Variants in ITIH1 observed in about 807,000 individuals in gnomAD.
ITIH1 encodes inter-alpha-trypsin inhibitor heavy chain 1.
Under a neutral mutation model 104.6 loss-of-function variants are expected in ITIH1, and 94 were observed. That is an observed-to-expected ratio of 0.90 (90% CI 0.76 to 1.07). ITIH1 has a LOEUF of 1.07. ITIH1 is among the 50% of genes least tolerant of loss of function. The probability of loss-of-function intolerance (pLI) is 0.00; values close to 1 mark genes in which losing one functional copy is unlikely to be tolerated. For synonymous variants in ITIH1, 455 were observed against 464.4 expected (o/e 0.98, Z 0.26); for missense variants, 1,193 against 1,181.4 (o/e 1.01, Z -0.14).
intron 8 of ITIH1, among the ~76,000 whole-genome samples, chr3:52,782,607 G>A (rs1578733192): frequency 1.3e-5 from 2 of 152,072 alleles, no homozygotes; most frequent in Non-Finnish European, 2.9e-5. Context: ...TTATAGCAGG[G>A]AATAGCTCTC....
intron 16 of ITIH1, 51 bp from the exon 17 acceptor site, chr3:52,787,935 C>T: frequency 1.3e-6 from 2 of 1,538,418 alleles, no homozygotes; most frequent in Non-Finnish European, 1.8e-6. Context: ...TCAGCAGCTC[C>T]AGGGAAGGCC....
chr3:52,787,254 G>C (rs1457147316), intron 15 of ITIH1, 52 bp downstream of exon 15: 12 of 1,611,698 alleles, frequency 7.4e-6, no homozygotes, highest in Non-Finnish European at 9.3e-6. Context: ...AGCTGGGCAG[G>C]TGGCAGGTGC....
chr3:52,788,851 G>A (rs1451138653), intron 18 of ITIH1, among the ~76,000 whole-genome samples: 10 of 152,126 alleles, frequency 6.6e-5, no homozygotes, highest in Non-Finnish European at 1.0e-4. Flanking sequence ...GTGAGCCACC[G>A]TGCCCAGCCA....
chr3:52,784,464 C>G lies in ITIH1; in HGVS notation c.1394C>G (p.Thr465Ser). 1 of 1,613,890 alleles carries G rather than the reference C, an allele frequency of 6.2e-7. No individual in the cohort carries two copies. Among genetic ancestry groups the G allele is most frequent in the Non-Finnish European group, 8.5e-7 (1 of 1,179,864 alleles). Residue 465 changes from threonine to serine, a missense_variant, in exon 11 of 22, where the codon ACC becomes AGC. By Grantham distance (58) the Thr-to-Ser change is moderately conservative. Transcript: ENST00000273283. The part of the protein sequence containing the change: ...AQRIYEDHDA[T>S]QQLQGFYSQV... Reference sequence around the variant, plus strand: ...AGAATCTACGAGGACCATGATGCCACCCAGCAGCTGCAGGTCTCCCCTCAC... The same window carrying G: ...AGAATCTACGAGGACCATGATGCCAGCCAGCAGCTGCAGGTCTCCCCTCAC...
At chr3:52,788,705 C>A (rs754546734) in intron 18 of ITIH1, among the ~76,000 whole-genome samples, 1 of 152,122 alleles carries the variant, frequency 6.6e-6, no homozygotes, top group Non-Finnish European at 1.5e-5. Flanking sequence ...GGACTACAGG[C>A]GCATGCCACC....
At position 52,788,545 on chromosome 3, in the gene ITIH1, G is replaced by T. The variant is rs557739915; in HGVS notation, c.2119+200G>T. Among the ~76,000 whole-genome samples the T allele has an allele frequency of 8.8e-4, 133 of 151,064 alleles. No individual in the cohort carries two copies. The Middle Eastern group carries it at 0.014, about 16-fold the overall frequency. ...GGCCAGCTTTATCAGCATGTGACTG[G>T]GGTAGGCACACAGGGGCTTTTTTTT... is the stretch of plus-strand genomic sequence containing the variant. On this transcript the variant is annotated intron_variant, in intron 18 of 21. Coordinates refer to ENST00000273283, the MANE Select transcript of ITIH1 (RefSeq NM_002215.4).
intron 12 of ITIH1, among the ~76,000 whole-genome samples, chr3:52,786,083 A>G (rs1476955960): frequency 3.3e-5 from 5 of 152,118 alleles, no homozygotes; most frequent in Non-Finnish European, 7.4e-5. Flanking sequence ...CTCCCATTCC[A>G]TGGGATCCCT....
chr3:52,779,409 G>T lies in ITIH1; in HGVS notation c.411-23G>T. On this transcript the variant is annotated intron_variant, in intron 4 of 21. Coordinates refer to ENST00000273283, the MANE Select transcript of ITIH1 (RefSeq NM_002215.4). The surrounding 1 kb of genome is among the most constrained non-coding windows in gnomAD (Gnocchi z 4.4). ...GTCATTTACCCTCTGTCTGTCTGCT[G>T]TTGCCTCTGGTGGCACATCCAGGGC... The T allele has an allele frequency of 4.3e-6, 7 of 1,613,902 alleles. No individual in the cohort carries two copies. Among genetic ancestry groups the T allele is most frequent in the Non-Finnish European group, 5.9e-6 (7 of 1,179,734 alleles).
chr3:52,778,947 C>G lies in ITIH1; in HGVS notation c.311C>G (p.Ala104Gly), dbSNP rs934567438. The G allele has an allele frequency of 5.0e-6, 8 of 1,610,822 alleles. No homozygotes were observed. The highest frequency in any genetic ancestry group is 2.2e-5 in the East Asian group (1 of 44,880). ...TAFISDFAVT[A>G]DGNAFIGDIK... ...GTGTCCTTCCCTCCCTGCAGTACAGCAGATGGAAACGCATTTATCGGAGAC... is the reference window on the plus strand; with the variant it reads ...GTGTCCTTCCCTCCCTGCAGTACAGGAGATGGAAACGCATTTATCGGAGAC... The change falls in exon 4 of 22, where the codon GCA (alanine) becomes GGA (glycine). Residue 104 changes from alanine to glycine, a missense_variant. Ala to Gly is a moderately conservative substitution (Grantham distance 60). Coordinates refer to ENST00000273283, the MANE Select transcript of ITIH1 (RefSeq NM_002215.4).
In ITIH1 at chr3:52,779,149, T is replaced by C; in HGVS notation, c.410+103T>C. ...TTTAGTGGAGAACAGCCCAGGATGA[T>C]GGAAGGGTAAGCAAACTGCCCAAAC... On this transcript the variant is annotated intron_variant, in intron 4 of 21. Coordinates refer to ENST00000273283, the MANE Select transcript of ITIH1 (RefSeq NM_002215.4). This position sits in a 1 kb window ranked among gnomAD's most constrained non-coding sequence, Gnocchi z 4.4. 3 of 878,274 alleles carry C rather than the reference T, an allele frequency of 3.4e-6. No homozygotes were observed. Among genetic ancestry groups the C allele is most frequent in the Non-Finnish European group, 5.7e-6 (3 of 523,620 alleles). The allele number at this position is 878,274 out of a possible 1,614,324, so 54.4% of individuals were successfully genotyped here.
At chr3:52,782,571 ATTACG>A (rs1699091792) in intron 8 of ITIH1, among the ~76,000 whole-genome samples, 1 of 151,778 alleles carries the variant, frequency 6.6e-6, no homozygotes, top group Non-Finnish European at 1.5e-5. Context: ...GTGCACTACA[ATTACG>A]GTGGTCCGTG....
rs926258043 is a variant in ITIH1, at chr3:52,781,952, T to C, written c.700T>C (p.Phe234Leu). ...SFSGKKGHVL[F>L]RPTVSQQQSC... ...TCGACGGTTCCAGGGTCATGTGCTGTTCCGTCCCACCGTGAGCCAGCAGCA... is the reference window on the plus strand; with the variant it reads ...TCGACGGTTCCAGGGTCATGTGCTGCTCCGTCCCACCGTGAGCCAGCAGCA... The change falls in exon 7 of 22, where the codon TTC becomes CTC. Residue 234 changes from phenylalanine (F) to leucine (L), a missense_variant. Physicochemically the swap from Phe to Leu is conservative, Grantham distance 22. Coordinates refer to ENST00000273283, the MANE Select transcript of ITIH1 (RefSeq NM_002215.4). 13 of 1,614,056 alleles carry C rather than the reference T, an allele frequency of 8.1e-6. No homozygotes were observed. The highest frequency in any genetic ancestry group is 1.6e-4 in the Middle Eastern group (1 of 6,084).
intron 6 of ITIH1, among the ~76,000 whole-genome samples, chr3:52,781,420 A>G (rs1445369468): frequency 1.3e-5 from 2 of 151,410 alleles, no homozygotes; most frequent in African/African-American, 4.9e-5. Context: ...CCTTACTTTT[A>G]TAACAAACAA....
chr3:52,787,270 C>T, intron 15 of ITIH1, 68 bp downstream of exon 15: 8 of 1,598,232 alleles, frequency 5.0e-6, no homozygotes, highest in Non-Finnish European at 6.9e-6. Flanking sequence ...GGTGCTCCAG[C>T]CCCAGGCTCG....
At chr3:52,787,475 G>T in intron 15 of ITIH1, 117 bp from the exon 16 acceptor site, 1 of 1,272,322 alleles carries the variant, frequency 7.9e-7, no homozygotes, top group Non-Finnish European at 1.1e-6. Flanking sequence ...CCAGGGGAGG[G>T]CTGAGACCCC....
intron 13 of ITIH1, among the ~76,000 whole-genome samples, 177 bp downstream of exon 13, chr3:52,786,611 A>G (rs1699210873): frequency 6.6e-6 from 1 of 152,236 alleles, no homozygotes; most frequent in Non-Finnish European, 1.5e-5. Flanking sequence ...CAGGCCCACC[A>G]GGGCACAAGG....
At position 52,781,995 on chromosome 3, in the gene ITIH1, C is replaced by T. The variant is rs1488800466; in HGVS notation, c.743C>T (p.Ser248Phe). 6.2e-7 allele frequency: 1 copy of T among 1,614,190 alleles called. No homozygotes were observed. The highest frequency in any genetic ancestry group is 1.7e-5 in the Admixed American group (1 of 60,028). Reference sequence around the variant, plus strand: ...CAGCAGCAGTCCTGCCCCACATGCTCTACATCCTTACTGAACGGGCACTTC... The same window carrying T: ...CAGCAGCAGTCCTGCCCCACATGCTTTACATCCTTACTGAACGGGCACTTC... ...VSQQQSCPTCSTSLLNGHFKV... is the reference protein window; with the variant it reads ...VSQQQSCPTCFTSLLNGHFKV... The change falls in exon 7 of 22, where the codon TCT (serine) becomes TTT (phenylalanine). Residue 248 changes from serine (S) to phenylalanine (F), a missense_variant. Coordinates refer to ENST00000273283, the MANE Select transcript of ITIH1 (RefSeq NM_002215.4).
chr3:52,782,833 GT>G, intron 8 of ITIH1, 123 bp from the exon 9 acceptor site: 1 of 950,146 alleles, frequency 1.1e-6, no homozygotes, highest in Non-Finnish European at 1.6e-6. Flanking sequence ...GGGCCACCTG[GT>G]TGTCCTATCT....
intron 8 of ITIH1, 59 bp downstream of exon 8, chr3:52,782,326 C>A: frequency 7.6e-7 from 1 of 1,321,108 alleles, no homozygotes; most frequent in Non-Finnish European, 1.1e-6. Flanking sequence ...CATCACTCAC[C>A]ACATGCCAGT....
Sources: gnomAD v4.1 joint callset for allele counts (sites outside exome capture counted in the v4.1 genomes callset) on GRCh38, gnomAD v4.1.1 for gene constraint, Gnocchi (gnomAD v3.1) non-coding constraint, MANE v1.5 for transcripts, NCBI Gene and HGNC (gene_info 2026-07-23, HGNC 2026-07-21) for gene names.